Variants in UNC13B observed in about 807,000 individuals in gnomAD.
UNC13B encodes the protein unc-13 homolog B.
A neutral mutation model predicts 211.0 loss-of-function variants in UNC13B; 144 were observed. That is an observed-to-expected ratio of 0.68 (90% CI 0.60 to 0.78). The LOEUF (loss-of-function observed/expected upper bound fraction) is 0.78, where lower values mean the gene tolerates loss of function less well. Among genes scored for constraint, UNC13B ranks in the 30% least tolerant of loss-of-function variants. UNC13B has a pLI of 0.00. For missense variants in UNC13B, 1,777 were observed against 2,002.0 expected (o/e 0.89, Z 2.14); for synonymous variants, 709 against 725.8 (o/e 0.98, Z 0.37).
At chr9:35,237,884 C>T in intron 5 of UNC13B, 58 bp downstream of exon 5, 1 of 1,523,008 alleles carries the variant, frequency 6.6e-7, no homozygotes, top group Non-Finnish European at 8.9e-7. Flanking sequence ...GAATTGTTTG[C>T]TAGTTGTTTC....
At chr9:35,281,952 G>A (rs1828520473) in intron 7 of UNC13B, among the ~76,000 whole-genome samples, 1 of 152,210 alleles carries the variant, frequency 6.6e-6, no homozygotes, top group Admixed American at 6.5e-5. Flanking sequence ...GGAAGGGTCA[G>A]ATGAGGCCAG....
chr9:35,390,554 C>A, intron 25 of UNC13B, 75 bp from the exon 26 acceptor site: 2 of 1,493,770 alleles, frequency 1.3e-6, no homozygotes, highest in Non-Finnish European at 1.9e-6. Context: ...AAGAACTAGG[C>A]ACTTTAGCCT....
chr9:35,289,605 G>A (rs1828983266), intron 7 of UNC13B, among the ~76,000 whole-genome samples: 2 of 152,108 alleles, frequency 1.3e-5, no homozygotes, highest in Admixed American at 6.5e-5. Context: ...TACAGATGAG[G>A]AAATATCTGT....
chr9:35,386,439 A>G, intron 24 of UNC13B, 146 bp downstream of exon 24: 4 of 1,135,424 alleles, frequency 3.5e-6, no homozygotes, highest in Non-Finnish European at 3.7e-6. Flanking sequence ...AACCATGTGG[A>G]CCATGTGAGA....
chr9:35,332,908 A>T (rs1831453233), intron 11 of UNC13B, among the ~76,000 whole-genome samples: 1 of 152,202 alleles, frequency 6.6e-6, no homozygotes, highest in Non-Finnish European at 1.5e-5. Flanking sequence ...TATATTTTGT[A>T]TGATTCTTTT....
chr9:35,384,714 G>T, intron 22 of UNC13B: 1 of 985,350 alleles, frequency 1.0e-6, no homozygotes, highest in Non-Finnish European at 1.2e-6. Flanking sequence ...TGAGAATCTG[G>T]CTAGGGGACA....
intron 6 of UNC13B, among the ~76,000 whole-genome samples, chr9:35,248,265 C>A (rs1826224446): frequency 1.3e-5 from 2 of 152,160 alleles, no homozygotes; most frequent in South Asian, 4.1e-4. Flanking sequence ...ATTAGTCTTG[C>A]TAGCAGTCTA....
chr9:35,382,236 A>G, intron 20 of UNC13B, 121 bp from the exon 21 acceptor site: 1 of 1,348,348 alleles, frequency 7.4e-7, no homozygotes, highest in Non-Finnish European at 1.0e-6. Flanking sequence ...AGCCCTAGGC[A>G]AGAGAGGGCA....
intron 7 of UNC13B, among the ~76,000 whole-genome samples, chr9:35,259,988 G>C (rs1295481336): frequency 8.0e-6 from 1 of 124,966 alleles, no homozygotes; most frequent in Non-Finnish European, 1.6e-5. Flanking sequence ...GATTTCTTGA[G>C]CCCAGGAGTC....
At chr9:35,223,747 A>G (rs1028379315) in intron 1 of UNC13B, among the ~76,000 whole-genome samples, 5 of 152,126 alleles carry the variant, frequency 3.3e-5, no homozygotes, top group Non-Finnish European at 7.4e-5. Context: ...ATCTTTGACT[A>G]GACTAATGTC....
intron 1 of UNC13B, among the ~76,000 whole-genome samples, chr9:35,174,483 C>A (rs1821508744): frequency 6.6e-6 from 1 of 151,962 alleles, no homozygotes. Context: ...CGCCACCATG[C>A]TTGGCTAATT....
intron 1 of UNC13B, among the ~76,000 whole-genome samples, chr9:35,226,480 T>C (rs115896647): frequency 0.012 from 1,758 of 152,264 alleles, 32 homozygotes; most frequent in African/African-American, 0.039. Context: ...AGTCCCACAC[T>C]AGGCCATCTG....
At chr9:35,247,414 G>T (rs1256610202) in intron 6 of UNC13B, among the ~76,000 whole-genome samples, 2 of 152,128 alleles carry the variant, frequency 1.3e-5, no homozygotes, top group East Asian at 1.9e-4. Flanking sequence ...GTGAGAGAGG[G>T]CATCCCTGTC....
chr9:35,207,478 T>TTTTTTTTATTTATTTA (rs146668335), intron 1 of UNC13B, among the ~76,000 whole-genome samples: 49 of 143,040 alleles, frequency 3.4e-4, no homozygotes, highest in African/African-American at 1.2e-3. Flanking sequence ...AGAAATTAAT[T>TTTTTTTTATTTATTTA]TTTATTTATT....
At chr9:35,358,644 T>G (rs2132107702) in intron 11 of UNC13B, among the ~76,000 whole-genome samples, 1 of 152,068 alleles carries the variant, frequency 6.6e-6, no homozygotes, top group East Asian at 1.9e-4. Context: ...TTGCTCCTAT[T>G]TTTTTTATGA....
At chr9:35,200,768 A>G (rs1823236646) in intron 1 of UNC13B, among the ~76,000 whole-genome samples, 5 of 152,216 alleles carry the variant, frequency 3.3e-5, no homozygotes, top group Admixed American at 2.0e-4. Context: ...ATATACAATC[A>G]TGTCATTTGC....
intron 1 of UNC13B, among the ~76,000 whole-genome samples, chr9:35,187,395 A>G (rs1294255461): frequency 6.6e-6 from 1 of 152,208 alleles, no homozygotes; most frequent in Non-Finnish European, 1.5e-5. Context: ...CACTTGATTC[A>G]CAGGAATAAG....
rs771517930 is a variant in UNC13B at position 35,259,035 on chromosome 9, G to C, written c.511G>C (p.Ala171Pro). ...EESQRKPLPT[A>P]AAQCSFEDPD... ...AAGCCAGAGGAAGCCATTGCCCACT[G>C]CTGCCGCCCAGTGTTGTAAGTGAGA... Residue 171 changes from alanine (A) to proline (P), a missense_variant, in exon 7 of 40, where the codon GCT (alanine) becomes CCT (proline). Transcript: ENST00000635942. 3 of 1,613,908 alleles carry C rather than the reference G, an allele frequency of 1.9e-6. No homozygotes were observed. The highest frequency in any genetic ancestry group is 1.1e-5 in the South Asian group (1 of 91,068).
intron 33 of UNC13B, 24 bp downstream of exon 33, chr9:35,399,058 C>T (rs1423596176): frequency 6.2e-7 from 1 of 1,613,578 alleles, no homozygotes; most frequent in Non-Finnish European, 8.5e-7. Flanking sequence ...TCAGGACTAT[C>T]CTGTGGGGAT....
Sources: allele counts gnomAD v4.1 joint callset (sites outside exome capture counted in the v4.1 genomes callset), GRCh38; gene constraint gnomAD v4.1.1; transcripts MANE v1.5; gene names NCBI Gene and HGNC (gene_info 2026-07-23, HGNC 2026-07-21).